Variants in APCDD1 observed in about 807,000 individuals in gnomAD.
The protein encoded by APCDD1 is APC down-regulated 1, also known as protein APCDD1.
A neutral mutation model predicts 38.1 loss-of-function variants in APCDD1; 15 were observed. That is an observed-to-expected ratio of 0.39 (90% CI 0.26 to 0.61). APCDD1 has a LOEUF of 0.61. APCDD1 is among the 20% of genes least tolerant of loss of function. The probability of loss-of-function intolerance (pLI) is 0.49; values close to 1 mark genes in which losing one functional copy is unlikely to be tolerated. For synonymous variants in APCDD1, 261 were observed against 279.7 expected, an observed-to-expected ratio of 0.93 and a Z score of 0.67; for missense variants, 647 against 696.2, an observed-to-expected ratio of 0.93 and a Z score of 0.79.
At chr18:10,486,670 C>A (rs2031255351) in intron 4 of APCDD1, among the ~76,000 whole-genome samples, 1 of 149,152 alleles carries the variant, frequency 6.7e-6, no homozygotes. Context: ...CAAAGCAGGG[C>A]TTGTGGTTGC....
At chr18:10,463,869 G>A (rs890504143) in intron 1 of APCDD1, among the ~76,000 whole-genome samples, 2 of 152,206 alleles carry the variant, frequency 1.3e-5, no homozygotes, top group African/African-American at 2.4e-5. Context: ...TCACCCTAGA[G>A]TGTGAGCCTG....
chr18:10,457,585 A>G (rs2030415486), intron 1 of APCDD1, among the ~76,000 whole-genome samples: 1 of 152,188 alleles, frequency 6.6e-6, no homozygotes, highest in Admixed American at 6.5e-5. Context: ...AGATAAAAGC[A>G]TTTGTTCTAT....
chr18:10,464,677 T>C (rs775513535), intron 1 of APCDD1, among the ~76,000 whole-genome samples: 2 of 152,200 alleles, frequency 1.3e-5, no homozygotes, highest in African/African-American at 2.4e-5. Flanking sequence ...CACCTCAGCC[T>C]CCCAGGGTGT....
Position 10,471,999 on chromosome 18 carries a change from G to C in APCDD1, c.712G>C (p.Asp238His), listed in dbSNP as rs368209332. 2 of 1,613,862 alleles carry C rather than the reference G, an allele frequency of 1.2e-6. No homozygotes were observed. Among genetic ancestry groups the C allele is most frequent in the African/African-American group, 2.7e-5 (2 of 74,942 alleles). ...EELFLGDIHT[D>H]ATQRMFYRPS... ...GCTCTTCCTTGGTGACATTCACACT[G>C]ATGCCACCCAGAGGATGTTCTACCG... is the stretch of plus-strand genomic sequence containing the variant. Residue 238 changes from aspartate (D) to histidine (H), a missense_variant, in exon 3 of 5, where the codon GAT becomes CAT. Asp to His is a moderately conservative substitution (Grantham distance 81, BLOSUM62 -1). Transcript: ENST00000355285. The surrounding 1 kb of genome is among the most constrained non-coding windows in gnomAD (Gnocchi z 5.5).
intron 1 of APCDD1, among the ~76,000 whole-genome samples, chr18:10,460,532 C>CAA (rs1167036963): frequency 0.016 from 1,189 of 73,526 alleles, 28 homozygotes; most frequent in African/African-American, 0.047. Context: ...GACTCTGTCT[C>CAA]AAAAAAAAAA....
At position 10,487,986 on chromosome 18, in the gene APCDD1, T is replaced by G. The variant is rs2031286799; in HGVS notation, c.1493T>G (p.Leu498Arg). The change falls in exon 5 of 5, where the codon CTG (leucine) becomes CGG (arginine). Residue 498 changes from leucine (L) to arginine (R), a missense_variant. By Grantham distance (102) the Leu-to-Arg change is moderately radical. Coordinates refer to ENST00000355285, the MANE Select transcript of APCDD1 (RefSeq NM_153000.5). ...APGRHTWSLL[L>R]AALACLVPLL... ...GGGAGGCACACCTGGTCCCTGCTGC[T>G]GGCTGCACTTGCCTGCCTTGTCCCT... The G allele has an allele frequency of 6.2e-7, 1 of 1,613,952 alleles. No homozygotes were observed. The highest frequency in any genetic ancestry group is 2.2e-5 in the East Asian group (1 of 44,886).
intron 1 of APCDD1, 88 bp downstream of exon 1, chr18:10,455,127 G>C (rs928231986): frequency 3.3e-6 from 5 of 1,532,922 alleles, no homozygotes; most frequent in Non-Finnish European, 4.4e-6. Flanking sequence ...GGTCTGGATC[G>C]CGGCACGGCC....
At chr18:10,458,078 AT>A (rs1451123487) in intron 1 of APCDD1, among the ~76,000 whole-genome samples, 1 of 152,236 alleles carries the variant, frequency 6.6e-6, no homozygotes, top group East Asian at 1.9e-4. Flanking sequence ...CAGATGTCAA[AT>A]TCTAGAAACC....
intron 3 of APCDD1, among the ~76,000 whole-genome samples, chr18:10,482,313 T>C (rs2031159100): frequency 6.6e-6 from 1 of 151,972 alleles, no homozygotes; most frequent in African/African-American, 2.4e-5. Context: ...GCAAACCAAG[T>C]TGTGGGGAAT....
At position 10,454,784 on chromosome 18, in the gene APCDD1, G is replaced by T; in HGVS notation, c.-198G>T. 1.0e-6 allele frequency: 1 copy of T among 980,590 alleles called. No individual in the cohort carries two copies. The highest frequency in any genetic ancestry group is 1.2e-6 in the Non-Finnish European group (1 of 828,270). The allele number at this position is 980,590 out of a possible 1,614,324, so 60.7% of individuals were successfully genotyped here. A position where few individuals can be genotyped will look rare whatever the true frequency, so the allele number is the denominator to read the frequency against. On this transcript the variant is annotated 5_prime_UTR_variant, in exon 1 of 5. Coordinates refer to ENST00000355285, the MANE Select transcript of APCDD1 (RefSeq NM_153000.5). Reference sequence around the variant, plus strand: ...CGCGGACCGGGCCGGGGCGCCCACAGCCGCCCGACGGCGCCCAGAGAGCGC... The same window carrying T: ...CGCGGACCGGGCCGGGGCGCCCACATCCGCCCGACGGCGCCCAGAGAGCGC...
chr18:10,456,814 C>G (rs2030393492), intron 1 of APCDD1, among the ~76,000 whole-genome samples: 1 of 152,142 alleles, frequency 6.6e-6, no homozygotes, highest in African/African-American at 2.4e-5. Flanking sequence ...TTCCATAACT[C>G]CGGGGATCTG....
chr18:10,460,547 A>T (rs969972469), intron 1 of APCDD1, among the ~76,000 whole-genome samples: 4 of 149,880 alleles, frequency 2.7e-5, no homozygotes, highest in Non-Finnish European at 5.9e-5. Context: ...AAAAAAAAAC[A>T]AAAAACAAAC....
intron 1 of APCDD1, among the ~76,000 whole-genome samples, chr18:10,466,123 A>C (rs2030708394): frequency 6.6e-6 from 1 of 152,210 alleles, no homozygotes; most frequent in Non-Finnish European, 1.5e-5. Context: ...CTTTAGCTAA[A>C]ATCTATTTTA....
At chr18:10,465,467 ATCT>A (rs1431862421) in intron 1 of APCDD1, among the ~76,000 whole-genome samples, 2 of 152,254 alleles carry the variant, frequency 1.3e-5, no homozygotes, top group Admixed American at 6.5e-5. Context: ...AATCAGACAG[ATCT>A]TCTAATAGAG....
rs1187185440 is a variant in APCDD1, at chr18:10,471,230, C to G, written c.243-300C>G. Among the ~76,000 whole-genome samples, 1 of 152,236 alleles carries G rather than the reference C, an allele frequency of 6.6e-6. No homozygotes were observed. Among genetic ancestry groups the G allele is most frequent in the Non-Finnish European group, 1.5e-5 (1 of 68,046 alleles). On this transcript the variant is annotated intron_variant, in intron 2 of 4. Coordinates refer to ENST00000355285, the MANE Select transcript of APCDD1 (RefSeq NM_153000.5). This position sits in a 1 kb window ranked among gnomAD's most constrained non-coding sequence, Gnocchi z 5.5. The stretch of plus-strand genomic sequence containing the variant: ...CTGGCTGAGGCAGAGTGATTAGGAG[C>G]ACAGCATCAGAGCCAGGCTGCCTGG...
At position 10,487,609 on chromosome 18, in the gene APCDD1, C is replaced by T; in HGVS notation, c.1116C>T (p.Thr372=). 1 of 1,614,132 alleles carries T rather than the reference C, an allele frequency of 6.2e-7. No homozygotes were observed. The highest frequency in any genetic ancestry group is 8.5e-7 in the Non-Finnish European group (1 of 1,180,048). The change falls in exon 5 of 5, where the codon ACC becomes ACT. Residue 372 remains threonine, a synonymous_variant. Coordinates refer to ENST00000355285, the MANE Select transcript of APCDD1 (RefSeq NM_153000.5). ...TTGCAGTGAATCACATGAAGGTCACCCCCATGGATGCGGCCACAGCCTCAC... is the reference window on the plus strand; with the variant it reads ...TTGCAGTGAATCACATGAAGGTCACTCCCATGGATGCGGCCACAGCCTCAC... The part of the protein sequence containing the change: ...FVFKVNHMKV[T]PMDAATASLL...
rs370251784 is a variant in APCDD1 at position 10,475,187 on chromosome 18, A to C, written c.774+3126A>C. Reference sequence around the variant, plus strand: ...TGGCTCAGAGAGGAATGAAAATGACAATGTCGACTGACCAGGGAACATCAA... The same window carrying C: ...TGGCTCAGAGAGGAATGAAAATGACCATGTCGACTGACCAGGGAACATCAA... On this transcript the variant is annotated intron_variant, in intron 3 of 4. Transcript: ENST00000355285. The surrounding 1 kb of genome is among the most constrained non-coding windows in gnomAD (Gnocchi z 4.0). Among the ~76,000 whole-genome samples the C allele has an allele frequency of 4.6e-5, 7 of 152,328 alleles. No individual in the cohort carries two copies. In the East Asian group the frequency reaches 1.2e-3, roughly 25 times the overall value.
At position 10,485,114 on chromosome 18, in the gene APCDD1, G is replaced by T. The variant is rs867908464; in HGVS notation, c.775-348G>T. The stretch of plus-strand genomic sequence containing the variant: ...CATCCTTGCCAACTTGTGATTTTTT[G>T]ATAGCATTTTTTGATAGTAGCCATC... On this transcript the variant is annotated intron_variant, in intron 3 of 4. Transcript: ENST00000355285. This position sits in a 1 kb window ranked among gnomAD's most constrained non-coding sequence, Gnocchi z 5.8. Among the ~76,000 whole-genome samples, 13 of 152,062 alleles carry T rather than the reference G, an allele frequency of 8.5e-5. No individual in the cohort carries two copies. In the South Asian group the frequency reaches 1.2e-3, roughly 15 times the overall value.
At chr18:10,479,139 A>G (rs1294742811) in intron 3 of APCDD1, among the ~76,000 whole-genome samples, 1 of 152,228 alleles carries the variant, frequency 6.6e-6, no homozygotes, top group Non-Finnish European at 1.5e-5. Flanking sequence ...CTACAGCAGA[A>G]ATTTAATCAA....
Sources: gnomAD v4.1 joint callset for allele counts (sites outside exome capture counted in the v4.1 genomes callset) on GRCh38, gnomAD v4.1.1 for gene constraint, Gnocchi (gnomAD v3.1) non-coding constraint, MANE v1.5 for transcripts, NCBI Gene and HGNC (gene_info 2026-07-23, HGNC 2026-07-21) for gene names.